SLCO3A1: variants seen among roughly 807,000 people sequenced by gnomAD.
The protein encoded by SLCO3A1 is solute carrier organic anion transporter family member 3A1, also known as PGE1 transporter.
A neutral mutation model predicts 63.1 loss-of-function variants in SLCO3A1; 27 were observed. That is an observed-to-expected ratio of 0.43 (90% confidence interval 0.32 to 0.59). The LOEUF (loss-of-function observed/expected upper bound fraction) is 0.59. Ranked by LOEUF, SLCO3A1 falls within the 20% of genes least tolerant of loss-of-function variation. The pLI, the probability that SLCO3A1 is intolerant of heterozygous loss-of-function variation, is 0.09. For missense variants in SLCO3A1, 773 were observed against 945.8 expected, an observed-to-expected ratio of 0.82 and a Z score of 2.40; for synonymous variants, 473 against 409.9, an observed-to-expected ratio of 1.15 and a Z score of -1.86.
At position 92,162,951 on chromosome 15, in the gene SLCO3A1, A is replaced by G; in HGVS notation, c.1949A>G (p.Lys650Arg). Residue 650 changes from lysine (K) to arginine (R), a missense_variant, in exon 10 of 10, where the codon AAA becomes AGA. Around this residue, in one of 3 missense-constraint regions of SLCO3A1, gnomAD observed 139 missense variants for 131.4 expected, o/e 1.06. Coordinates refer to ENST00000318445, the MANE Select transcript of SLCO3A1 (RefSeq NM_013272.4). ...ACCACCACGTGGCAGTGCCTGAGGAAAAACTATAAACGCTACATCAAAAAC... is the reference window on the plus strand; with the variant it reads ...ACCACCACGTGGCAGTGCCTGAGGAGAAACTATAAACGCTACATCAAAAAC... ...LYTTTWQCLR[K>R]NYKRYIKNHE... is the part of the protein sequence containing the mutation. 1 of 1,614,164 alleles carries G rather than the reference A, an allele frequency of 6.2e-7. No homozygotes were observed. Among genetic ancestry groups the G allele is most frequent in the Non-Finnish European group, 8.5e-7 (1 of 1,180,016 alleles).
intron 2 of SLCO3A1, among the ~76,000 whole-genome samples, chr15:91,951,744 G>A (rs865821395): frequency 1.3e-5 from 2 of 151,912 alleles, no homozygotes; most frequent in East Asian, 1.9e-4. Context: ...TAGTAGAGAC[G>A]GGGTTTCACC....
In SLCO3A1 at chr15:92,164,136, CACTA is replaced by C. The variant is rs1437892933; in HGVS notation, c.*1004_*1007del. The C allele has an allele frequency of 2.0e-6, 2 of 982,518 alleles. No homozygotes were observed. Among genetic ancestry groups the C allele is most frequent in the Non-Finnish European group, 2.4e-6 (2 of 827,338 alleles). The allele number at this position is 982,518 out of a possible 1,614,324, so 60.9% of individuals were successfully genotyped here. On this transcript the variant is annotated 3_prime_UTR_variant, in exon 10 of 10. Coordinates refer to ENST00000318445, the MANE Select transcript of SLCO3A1 (RefSeq NM_013272.4). ...TAAAATCTGTGTTAACCCTTCAAGT[CACTA>C]ACACAGTTCTCTAGGCCGGATTTAT... is the stretch of plus-strand genomic sequence containing the variant.
chr15:92,004,933 C>T (rs953625047), intron 2 of SLCO3A1, among the ~76,000 whole-genome samples: 2 of 152,168 alleles, frequency 1.3e-5, no homozygotes, highest in Non-Finnish European at 2.9e-5. Context: ...GCTCTGAAAG[C>T]CTCATCATTT....
chr15:92,049,636 G>C (rs570879902), intron 2 of SLCO3A1, among the ~76,000 whole-genome samples: 1 of 152,282 alleles, frequency 6.6e-6, no homozygotes, highest in Admixed American at 6.5e-5. Context: ...CAGCCCCCCA[G>C]AAATCGATCT....
chr15:91,986,319 C>T (rs942365363), intron 2 of SLCO3A1, among the ~76,000 whole-genome samples: 11 of 152,054 alleles, frequency 7.2e-5, no homozygotes, highest in African/African-American at 2.2e-4. Context: ...CATGGGATTC[C>T]GGGGAGATAA....
chr15:91,944,025 A>G (rs768461224), intron 2 of SLCO3A1, among the ~76,000 whole-genome samples: 4 of 152,100 alleles, frequency 2.6e-5, no homozygotes, highest in Admixed American at 6.5e-5. Flanking sequence ...TGAGCGTGCC[A>G]TTTGCTACCT....
intron 4 of SLCO3A1, among the ~76,000 whole-genome samples, chr15:92,115,405 A>G (rs1455375251): frequency 6.6e-6 from 1 of 152,140 alleles, no homozygotes; most frequent in Admixed American, 6.5e-5. Flanking sequence ...CAAGTCGTGT[A>G]TCCCCATGGC....
chr15:92,104,133 G>C (rs1217559330), intron 3 of SLCO3A1, 146 bp from the exon 4 acceptor site: 1 of 891,320 alleles, frequency 1.1e-6, no homozygotes. Context: ...GGAACAATAG[G>C]CTTCGTAGCC....
At chr15:91,979,011 C>T (rs1218060928) in intron 2 of SLCO3A1, among the ~76,000 whole-genome samples, 1 of 152,230 alleles carries the variant, frequency 6.6e-6, no homozygotes, top group Non-Finnish European at 1.5e-5. Context: ...TCTCAATTCT[C>T]TTCACTTGTA....
intron 5 of SLCO3A1, among the ~76,000 whole-genome samples, chr15:92,123,384 G>C (rs760115471): frequency 6.6e-6 from 1 of 152,024 alleles, no homozygotes; most frequent in Non-Finnish European, 1.5e-5. Flanking sequence ...TCCAGCCTGG[G>C]GGACAAGAGT....
intron 9 of SLCO3A1, among the ~76,000 whole-genome samples, chr15:92,159,569 T>TG (rs1398567429): frequency 6.9e-6 from 1 of 145,352 alleles, no homozygotes; most frequent in Non-Finnish European, 1.5e-5. Flanking sequence ...TTTGGTAGGT[T>TG]TTTTTTTTTT....
chr15:92,022,773 T>C (rs1326896101), intron 2 of SLCO3A1, among the ~76,000 whole-genome samples: 3 of 152,160 alleles, frequency 2.0e-5, no homozygotes, highest in Non-Finnish European at 4.4e-5. Context: ...AGGGAATGCT[T>C]TCTTAAAACA....
intron 2 of SLCO3A1, among the ~76,000 whole-genome samples, chr15:91,979,156 C>T (rs1442709187): frequency 6.6e-6 from 1 of 152,134 alleles, no homozygotes; most frequent in Non-Finnish European, 1.5e-5. Flanking sequence ...TTTAGTACCC[C>T]TTAGCCCCAA....
chr15:91,914,531 A>G (rs915689643), intron 1 of SLCO3A1, among the ~76,000 whole-genome samples: 3 of 145,502 alleles, frequency 2.1e-5, no homozygotes, highest in African/African-American at 5.1e-5. Context: ...GCTCCTTACA[A>G]TTTGTCCTCA....
At chr15:91,983,741 A>G (rs1013391133) in intron 2 of SLCO3A1, among the ~76,000 whole-genome samples, 13 of 152,364 alleles carry the variant, frequency 8.5e-5, no homozygotes, top group South Asian at 4.1e-4. Flanking sequence ...TCGGCATACA[A>G]GAGATCAACG....
At position 92,029,772 on chromosome 15, in the gene SLCO3A1, G is replaced by T. The variant is rs989751217; in HGVS notation, c.647-65109G>T. Among the ~76,000 whole-genome samples, 6 of 128,716 alleles carry T rather than the reference G, an allele frequency of 4.7e-5. 1 individual carries two copies. Among genetic ancestry groups the T allele is most frequent in the African/African-American group, 1.8e-4 (6 of 32,702 alleles). The allele number at this position is 128,716 out of a possible 152,430, so 84.4% of individuals were successfully genotyped here. ...AAAGGTGAATGGCCTCTGGCCCCAGGATCTGGGCTCCCAGTGCAGCTGAGG... is the reference window on the plus strand; with the variant it reads ...AAAGGTGAATGGCCTCTGGCCCCAGTATCTGGGCTCCCAGTGCAGCTGAGG... On this transcript the variant is annotated intron_variant, in intron 2 of 9. Coordinates refer to ENST00000318445, the MANE Select transcript of SLCO3A1 (RefSeq NM_013272.4).
At chr15:91,925,109 A>G (rs1489316418) in intron 2 of SLCO3A1, among the ~76,000 whole-genome samples, 4 of 152,080 alleles carry the variant, frequency 2.6e-5, no homozygotes, top group African/African-American at 7.2e-5. Flanking sequence ...CACCCATCTT[A>G]TTTGCTTTTC....
At chr15:91,930,858 G>C (rs1055360893) in intron 2 of SLCO3A1, among the ~76,000 whole-genome samples, 1 of 152,214 alleles carries the variant, frequency 6.6e-6, no homozygotes, top group African/African-American at 2.4e-5. Flanking sequence ...CTGATGCAAA[G>C]AGCTTGAGTA....
chr15:91,902,269 T>C (rs1264897244), intron 1 of SLCO3A1, among the ~76,000 whole-genome samples: 3 of 152,138 alleles, frequency 2.0e-5, no homozygotes, highest in Non-Finnish European at 4.4e-5. Context: ...TGATCATAGT[T>C]CACTGAAACC....
Sources: gnomAD v4.1 joint callset for allele counts (sites outside exome capture counted in the v4.1 genomes callset) on GRCh38, gnomAD v4.1.1 for gene constraint, gnomAD v4.1.1 regional missense constraint, MANE v1.5 for transcripts, NCBI Gene and HGNC (gene_info 2026-07-23, HGNC 2026-07-21) for gene names.